TMEM255B: variants seen among roughly 807,000 people sequenced by gnomAD.
The protein encoded by TMEM255B is family with sequence similarity 70, member B.
Under a neutral mutation model 34.5 loss-of-function variants are expected in TMEM255B, and 35 were observed. The observed-to-expected ratio is 1.01, with a 90% CI of 0.77 to 1.34. The LOEUF (loss-of-function observed/expected upper bound fraction) is 1.34. Ranked by LOEUF, TMEM255B falls within the 40% of genes most tolerant of loss-of-function variation. TMEM255B has a pLI of 0.00. For synonymous variants in TMEM255B, 206 were observed against 201.2 expected (o/e 1.02, Z -0.20); for missense variants, 432 against 433.2 (o/e 1.00, Z 0.02).
intron 3 of TMEM255B, among the ~76,000 whole-genome samples, chr13:113,791,509 G>A (rs2050831685): frequency 6.6e-6 from 1 of 152,176 alleles, no homozygotes; most frequent in African/African-American, 2.4e-5. Flanking sequence ...GCGACGTCGT[G>A]TGGACAGATG....
At position 113,795,145 on chromosome 13, in the gene TMEM255B, C is replaced by T; in HGVS notation, c.253-3C>T. The T allele has an allele frequency of 1.2e-6, 2 of 1,613,806 alleles. No individual in the cohort carries two copies. The highest frequency in any genetic ancestry group is 8.5e-7 in the Non-Finnish European group (1 of 1,179,908). ...GGCACCCACACCTCTCCTTCTGTTG[C>T]AGCTGGTGGCAGCGATCGTGTTTAT... On this transcript the variant is annotated splice_region_variant and splice_polypyrimidine_tract_variant and intron_variant, in intron 3 of 8. Coordinates refer to ENST00000375353, the MANE Select transcript of TMEM255B (RefSeq NM_182614.4).
intron 8 of TMEM255B, among the ~76,000 whole-genome samples, chr13:113,808,524 G>A (rs1468724826): frequency 6.7e-6 from 1 of 149,998 alleles, no homozygotes; most frequent in Non-Finnish European, 1.5e-5. Context: ...CCATGTTCCT[G>A]GGGGTTTACT....
intron 3 of TMEM255B, among the ~76,000 whole-genome samples, chr13:113,793,882 C>T (rs1026058329): frequency 2.0e-5 from 3 of 152,198 alleles, no homozygotes; most frequent in East Asian, 1.9e-4. Context: ...GAGGGGCAGG[C>T]GGCCACCACT....
intron 3 of TMEM255B, among the ~76,000 whole-genome samples, chr13:113,791,986 G>A (rs1015236097): frequency 2.0e-5 from 3 of 152,196 alleles, no homozygotes; most frequent in Non-Finnish European, 2.9e-5. Context: ...GGTGCACTGC[G>A]GGACAGGAAC....
chr13:113,770,786 C>T lies in TMEM255B; in HGVS notation c.252+1626C>T, dbSNP rs1054795442. On this transcript the variant is annotated intron_variant, in intron 3 of 8. Transcript: ENST00000375353. This position sits in a 1 kb window ranked among gnomAD's most constrained non-coding sequence, Gnocchi z 4.6. ...CGCCACCTTTGGGAGCCAGCATGCCCCCATGATGGTCTCTAGACAGCATCT... is the reference window on the plus strand; with the variant it reads ...CGCCACCTTTGGGAGCCAGCATGCCTCCATGATGGTCTCTAGACAGCATCT... Among the ~76,000 whole-genome samples the T allele has an allele frequency of 6.6e-6, 1 of 152,094 alleles. No individual in the cohort carries two copies. Among genetic ancestry groups the T allele is most frequent in the Non-Finnish European group, 1.5e-5 (1 of 68,034 alleles).
chr13:113,807,604 C>G (rs1173814150), intron 8 of TMEM255B, among the ~76,000 whole-genome samples: 1 of 122,210 alleles, frequency 8.2e-6, no homozygotes, highest in African/African-American at 3.3e-5. Flanking sequence ...CCCTGTCACA[C>G]GTGGGCTTAC....
intron 3 of TMEM255B, among the ~76,000 whole-genome samples, chr13:113,793,388 A>G (rs918816249): frequency 3.8e-5 from 4 of 103,950 alleles, no homozygotes; most frequent in Non-Finnish European, 5.9e-5. Context: ...TGTGGAGGAA[A>G]GTTGCCTTAG....
chr13:113,780,149 G>A (rs1465120195), intron 3 of TMEM255B, among the ~76,000 whole-genome samples: 1 of 152,186 alleles, frequency 6.6e-6, no homozygotes, highest in Non-Finnish European at 1.5e-5. Context: ...GTCAGAAAGT[G>A]ACATTCTTTA....
At chr13:113,789,117 CCCTT>C in intron 3 of TMEM255B, among the ~76,000 whole-genome samples, 1 of 152,014 alleles carries the variant, frequency 6.6e-6, no homozygotes, top group South Asian at 2.1e-4. Flanking sequence ...CCACCTTATC[CCCTT>C]CCTTCTTTTC....
intron 4 of TMEM255B, among the ~76,000 whole-genome samples, chr13:113,798,823 G>T (rs572137400): frequency 2.6e-5 from 4 of 152,098 alleles, no homozygotes; most frequent in African/African-American, 9.7e-5. Flanking sequence ...ATAGATAGAT[G>T]TAGAGGATGG....
intron 3 of TMEM255B, among the ~76,000 whole-genome samples, chr13:113,780,087 A>T (rs2050643695): frequency 6.6e-6 from 1 of 152,228 alleles, no homozygotes; most frequent in African/African-American, 2.4e-5. Context: ...GAATTGTACC[A>T]TTAAATACCT....
Position 113,805,065 on chromosome 13 carries a change from G to T in TMEM255B, c.813+37G>T, listed in dbSNP as rs1414307510. 3.2e-6 allele frequency: 5 copies of T among 1,560,608 alleles called. No individual in the cohort carries two copies. In the Admixed American group the frequency reaches 8.9e-5, roughly 28 times the overall value. The stretch of plus-strand genomic sequence containing the variant: ...ATCACCTGCTGGAGTTGGACGCGCT[G>T]GTCACAGGCAGTGGGATGGACAGGA... On this transcript the variant is annotated intron_variant, in intron 8 of 8. Transcript: ENST00000375353.
At chr13:113,799,538 C>T (rs375302575) in intron 5 of TMEM255B, 119 bp downstream of exon 5, 2 of 929,778 alleles carry the variant, frequency 2.2e-6, no homozygotes, top group Non-Finnish European at 3.4e-6. Flanking sequence ...TCCTGGGGGT[C>T]ACCCCTGCAG....
chr13:113,771,853 T>A (rs1461172175), intron 3 of TMEM255B, among the ~76,000 whole-genome samples: 1 of 152,224 alleles, frequency 6.6e-6, no homozygotes, highest in Non-Finnish European at 1.5e-5. Flanking sequence ...TTTACATTTC[T>A]TTTGGGCATG....
chr13:113,777,847 CT>C (rs1662902773), intron 3 of TMEM255B, among the ~76,000 whole-genome samples: 1 of 152,236 alleles, frequency 6.6e-6, no homozygotes, highest in East Asian at 1.9e-4. Flanking sequence ...CTGCCTCCCC[CT>C]GAGTGCCTCC....
rs1208810211 is a variant in TMEM255B, at chr13:113,768,185, C to A, written c.190-913C>A. ...TGGGAAGTGCGACCGGCCCGGCGCA[C>A]CTGCGTGGGAGCAAGAGCCGTCTTA... On this transcript the variant is annotated intron_variant, in intron 2 of 8. Coordinates refer to ENST00000375353, the MANE Select transcript of TMEM255B (RefSeq NM_182614.4). 3 of 470,408 alleles carry A rather than the reference C, an allele frequency of 6.4e-6. No homozygotes were observed. The East Asian group carries it at 2.1e-4, about 33-fold the overall frequency. The allele number at this position is 470,408 out of a possible 1,614,324, so 29.1% of individuals were successfully genotyped here. A position where few individuals can be genotyped will look rare whatever the true frequency, so the allele number is the denominator to read the frequency against.
intron 4 of TMEM255B, among the ~76,000 whole-genome samples, chr13:113,798,023 G>A (rs766252332): frequency 3.5e-4 from 53 of 152,320 alleles, no homozygotes; most frequent in Non-Finnish European, 5.1e-4. Context: ...GCAGATGGTC[G>A]GATGGATTGA....
rs1227302622 is a variant in TMEM255B, at chr13:113,805,018, T to C, written c.803T>C (p.Leu268Pro). The C allele has an allele frequency of 6.2e-7, 1 of 1,601,130 alleles. No homozygotes were observed. The highest frequency in any genetic ancestry group is 1.3e-5 in the African/African-American group (1 of 74,794). ...EPVPTCSSYP[L>P]PLQPCSRFPV... Reference sequence around the variant, plus strand: ...GTCCCGACCTGCTCGTCCTACCCTCTGCCCCTTCAGGTAGGGCCAGCATCA... The same window carrying C: ...GTCCCGACCTGCTCGTCCTACCCTCCGCCCCTTCAGGTAGGGCCAGCATCA... Residue 268 changes from leucine (L) to proline (P), a missense_variant, in exon 8 of 9, where the codon CTG becomes CCG. Coordinates refer to ENST00000375353, the MANE Select transcript of TMEM255B (RefSeq NM_182614.4).
At chr13:113,774,119 C>A (rs151141914) in intron 3 of TMEM255B, among the ~76,000 whole-genome samples, 149 of 151,428 alleles carry the variant, frequency 9.8e-4, no homozygotes, top group African/African-American at 3.5e-3. Context: ...TCCTGTTCAC[C>A]CCCCGCCTGC....
Sources: allele counts gnomAD v4.1 joint callset (sites outside exome capture counted in the v4.1 genomes callset), GRCh38; gene constraint gnomAD v4.1.1; non-coding constraint Gnocchi (gnomAD v3.1); transcripts MANE v1.5; gene names NCBI Gene and HGNC (gene_info 2026-07-23, HGNC 2026-07-21).